The following IQCB1 variants were observed in gnomAD, a reference collection of about 807,000 sequenced individuals.
IQCB1 encodes the protein IQ motif containing B1, also known as IQ calmodulin-binding motif-containing protein 1.
Under a neutral mutation model 84.4 loss-of-function variants are expected in IQCB1, and 56 were observed. The ratio of observed to expected loss-of-function variants is 0.66; its 90% confidence interval spans 0.54 to 0.83. The LOEUF is 0.83. Among genes scored for constraint, IQCB1 ranks in the 40% least tolerant of loss-of-function variants. The probability of loss-of-function intolerance (pLI) is 0.00; values close to 1 mark genes in which losing one functional copy is unlikely to be tolerated. For missense variants in IQCB1, 629 were observed against 682.1 expected (o/e 0.92, Z 0.87); for synonymous variants, 210 against 234.8 (o/e 0.89, Z 0.96).
At chr3:121,784,342 A>G (rs1338262925) in intron 12 of IQCB1, among the ~76,000 whole-genome samples, 1 of 151,898 alleles carries the variant, frequency 6.6e-6, no homozygotes, top group Non-Finnish European at 1.5e-5. Context: ...CACTGGCAAA[A>G]TCTTTTTTCC....
chr3:121,799,258 A>T lies in IQCB1; in HGVS notation c.704T>A (p.Leu235Gln), dbSNP rs1949315817. The T allele has an allele frequency of 2.5e-6, 4 of 1,611,154 alleles. No homozygotes were observed. Among genetic ancestry groups the T allele is most frequent in the Non-Finnish European group, 2.5e-6 (3 of 1,178,000 alleles). Reference protein sequence around the residue: ...VIRSTATKLLLLMAESHQEIL... With the variant: ...VIRSTATKLLQLMAESHQEIL... ...TTCCTGATGGGATTCAGCCATCAAC[A>T]GTAGGAGTTTTGTAGCAGTACTTCT... The change falls in exon 8 of 15, where the codon CTG (leucine) becomes CAG (glutamine). Residue 235 changes from leucine to glutamine, a missense_variant. Physicochemically the swap from Leu to Gln is moderately radical, Grantham distance 113 (BLOSUM62 -2). Coordinates refer to ENST00000310864, the MANE Select transcript of IQCB1 (RefSeq NM_001023570.4).
Position 121,788,336 on chromosome 3 carries a change from T to C in IQCB1, c.1226A>G (p.Gln409Arg), listed in dbSNP as rs368525345. The change falls in exon 12 of 15, where the codon CAA becomes CGA. Residue 409 changes from glutamine to arginine, a missense_variant. By Grantham distance (43) the Gln-to-Arg change is conservative (BLOSUM62 1). Transcript: ENST00000310864. ...ATACTCTATGAGAGACTGCCTCTGT[T>C]GGTGAAAATTTTTCCTTTCCCTGTA... Reference protein sequence around the residue: ...RGYRERKNFHQQRQSLIEYKA... With the variant: ...RGYRERKNFHRQRQSLIEYKA... 6.2e-7 allele frequency: 1 copy of C among 1,614,010 alleles called. No homozygotes were observed. The highest frequency in any genetic ancestry group is 8.5e-7 in the Non-Finnish European group (1 of 1,179,954).
chr3:121,814,749 G>A (rs1340139184), intron 5 of IQCB1, among the ~76,000 whole-genome samples: 1 of 152,156 alleles, frequency 6.6e-6, no homozygotes, highest in East Asian at 1.9e-4. Context: ...AACAAGTTCT[G>A]AAATTGAGGC....
chr3:121,829,002 G>A, intron 2 of IQCB1, 30 bp from the exon 3 acceptor site: 1 of 1,210,262 alleles, frequency 8.3e-7, no homozygotes, highest in Non-Finnish European at 1.2e-6. Flanking sequence ...GAGAATAAAG[G>A]TCAAAAAGCC....
chr3:121,834,949 C>CACCTCAGATAAGTT lies in IQCB1; in HGVS notation c.-102+3_-102+16dup, dbSNP rs1708196005. On this transcript the variant is annotated intron_variant, in intron 1 of 14. Transcript: ENST00000310864. ...TGGGGCCCTCTCCCTCCCCAGCCAC[C>CACCTCAGATAAGTT]ACCTCAGATAAGTTACCTCATCCTC... The CACCTCAGATAAGTT allele has an allele frequency of 5.2e-6, 2 of 382,652 alleles. No homozygotes were observed. Among genetic ancestry groups the CACCTCAGATAAGTT allele is most frequent in the Middle Eastern group, 7.9e-4 (1 of 1,258 alleles). The allele number at this position is 382,652 out of a possible 1,614,324, so 23.7% of individuals were successfully genotyped here.
intron 13 of IQCB1, among the ~76,000 whole-genome samples, chr3:121,777,162 G>A (rs1167671173): frequency 1.3e-5 from 2 of 151,390 alleles, no homozygotes; most frequent in Non-Finnish European, 3.0e-5. Context: ...ATGAAGTGAA[G>A]TATGGCTTCA....
chr3:121,781,892 G>A lies in IQCB1; in HGVS notation c.1279-18C>T. The A allele has an allele frequency of 6.2e-7, 1 of 1,610,950 alleles. No homozygotes were observed. Among genetic ancestry groups the A allele is most frequent in the Non-Finnish European group, 8.5e-7 (1 of 1,178,012 alleles). On this transcript the variant is annotated intron_variant, in intron 12 of 14. Transcript: ENST00000310864. Reference sequence around the variant, plus strand: ...TTAAGCGCCTGGAAGAAAAAAAATTGAAGGTTTGTGATTTTTCTCCCCTAA... The same window carrying A: ...TTAAGCGCCTGGAAGAAAAAAAATTAAAGGTTTGTGATTTTTCTCCCCTAA...
At chr3:121,783,248 CAATTT>C (rs1948579171) in intron 12 of IQCB1, among the ~76,000 whole-genome samples, 1 of 152,128 alleles carries the variant, frequency 6.6e-6, no homozygotes, top group African/African-American at 2.4e-5. Context: ...TCAAGGGCAA[CAATTT>C]AATTCAGGTT....
intron 5 of IQCB1, among the ~76,000 whole-genome samples, chr3:121,816,838 G>T (rs1341334219): frequency 6.6e-6 from 1 of 152,208 alleles, no homozygotes; most frequent in Non-Finnish European, 1.5e-5. Context: ...AACCACTGTG[G>T]AAGACAGTGT....
Position 121,807,437 on chromosome 3 carries a change from T to TA in IQCB1, c.493_494insT (p.Gln165LeufsTer3), listed in dbSNP as rs781742057. Reference sequence around the variant, plus strand: ...CAGTAAATGTAAGAAATGATCACTTTGTAGTACTAAAGGAAAAGAAAAAAA... The same window carrying TA: ...CAGTAAATGTAAGAAATGATCACTTTAGTAGTACTAAAGGAAAAGAAAAAAA... On this transcript the variant is annotated frameshift_variant, in exon 7 of 15. Transcript: ENST00000310864. LOFTEE classifies it high-confidence loss of function. The TA allele has an allele frequency of 6.9e-7, 1 of 1,454,186 alleles. No homozygotes were observed. Among genetic ancestry groups the TA allele is most frequent in the Admixed American group, 1.7e-5 (1 of 59,596 alleles). 90.1% of individuals were successfully genotyped at this position (1,454,186 alleles called of 1,614,324 possible).
chr3:121,789,628 C>G (rs1948877181), intron 11 of IQCB1, among the ~76,000 whole-genome samples: 1 of 152,180 alleles, frequency 6.6e-6, no homozygotes, highest in Non-Finnish European at 1.5e-5. Context: ...ATTGAAACCA[C>G]TAAGACCTCT....
At chr3:121,782,176 G>A (rs1948523698) in intron 12 of IQCB1, among the ~76,000 whole-genome samples, 1 of 152,180 alleles carries the variant, frequency 6.6e-6, no homozygotes, top group African/African-American at 2.4e-5. Flanking sequence ...TTCTGGGCAA[G>A]GCACTTGATC....
intron 13 of IQCB1, 149 bp downstream of exon 13, chr3:121,781,594 G>T: frequency 1.3e-6 from 1 of 768,534 alleles, no homozygotes; most frequent in Non-Finnish European, 2.2e-6. Context: ...TTACTTCTAT[G>T]GTAAAGCCAA....
intron 13 of IQCB1, among the ~76,000 whole-genome samples, chr3:121,778,916 A>AT (rs1348324582): frequency 6.8e-6 from 1 of 146,516 alleles, no homozygotes; most frequent in Non-Finnish European, 1.5e-5. Flanking sequence ...AAAAAAAAAA[A>AT]GGTATCTTCT....
chr3:121,797,414 C>T (rs1949242060), intron 8 of IQCB1, among the ~76,000 whole-genome samples, 187 bp from the exon 9 acceptor site: 1 of 149,478 alleles, frequency 6.7e-6, no homozygotes, highest in Non-Finnish European at 1.5e-5. Flanking sequence ...ATATTCCTCC[C>T]TCCTGAGAAT....
At chr3:121,814,457 C>CA (rs1395274827) in intron 5 of IQCB1, among the ~76,000 whole-genome samples, 2 of 152,064 alleles carry the variant, frequency 1.3e-5, no homozygotes, top group East Asian at 1.9e-4. Context: ...AAAAACCCTT[C>CA]AAAAAATCAA....
chr3:121,826,347 A>C (rs1950466645), intron 4 of IQCB1, among the ~76,000 whole-genome samples, 167 bp from the exon 5 acceptor site: 1 of 152,374 alleles, frequency 6.6e-6, no homozygotes, highest in Middle Eastern at 3.4e-3. Context: ...AAAAGTAAAC[A>C]GTGGTATGGA....
chr3:121,820,023 T>C (rs1950219222), intron 5 of IQCB1, among the ~76,000 whole-genome samples: 1 of 152,192 alleles, frequency 6.6e-6, no homozygotes, highest in African/African-American at 2.4e-5. Flanking sequence ...GTTGTAAAAG[T>C]AGATTCACAT....
chr3:121,822,281 A>C (rs763868588), intron 5 of IQCB1, among the ~76,000 whole-genome samples: 1 of 152,102 alleles, frequency 6.6e-6, no homozygotes, highest in Non-Finnish European at 1.5e-5. Context: ...CTCTCTCTCC[A>C]TATATCTTCT....
Sources: gnomAD v4.1 joint callset for allele counts (sites outside exome capture counted in the v4.1 genomes callset) on GRCh38, gnomAD v4.1.1 for gene constraint, MANE v1.5 for transcripts, NCBI Gene and HGNC (gene_info 2026-07-23, HGNC 2026-07-21) for gene names.